Variants in POLE2 observed in about 807,000 individuals in gnomAD.
POLE2 encodes DNA polymerase epsilon subunit 2.
In POLE2, 56 loss-of-function variants were observed where a neutral mutation model predicts 79.4. The ratio of observed to expected loss-of-function variants is 0.71; its 90% CI spans 0.57 to 0.88. The LOEUF (loss-of-function observed/expected upper bound fraction) is 0.88, where lower values mean the gene tolerates loss of function less well. Ranked by LOEUF, POLE2 falls within the 40% of genes least tolerant of loss-of-function variation. POLE2 has a pLI of 0.00. For missense variants in POLE2, 598 were observed against 638.9 expected (o/e 0.94, Z 0.69); for synonymous variants, 212 against 214.0 (o/e 0.99, Z 0.08).
At chr14:49,669,451 T>G (rs1054434237) in intron 6 of POLE2, 73 bp downstream of exon 6, 1 of 790,698 alleles carries the variant, frequency 1.3e-6, no homozygotes, top group African/African-American at 1.7e-5. Context: ...TAAAATTCAA[T>G]GAATTAGAAT....
At chr14:49,677,618 C>T (rs768500340) in intron 3 of POLE2, 1 of 586,320 alleles carries the variant, frequency 1.7e-6, no homozygotes, top group Non-Finnish European at 3.0e-6. Flanking sequence ...CATTGATGAA[C>T]AGACTGATGT....
At chr14:49,657,445 T>G (rs1377758270) in intron 10 of POLE2, among the ~76,000 whole-genome samples, 1 of 151,246 alleles carries the variant, frequency 6.6e-6, no homozygotes, top group African/African-American at 2.4e-5. Flanking sequence ...TTTTTTTTTC[T>G]TTTTTTTGAC....
chr14:49,650,497 G>C (rs1594627917), intron 16 of POLE2, 56 bp from the exon 17 acceptor site: 1 of 1,154,650 alleles, frequency 8.7e-7, no homozygotes, highest in Non-Finnish European at 1.1e-6. Flanking sequence ...AGTGAAAATA[G>C]CTAAACAAAT....
intron 3 of POLE2, chr14:49,677,699 C>A: frequency 1.5e-6 from 2 of 1,351,234 alleles, no homozygotes; most frequent in Non-Finnish European, 2.0e-6. Flanking sequence ...GTTCAAGAAA[C>A]GTGACAGTGT....
Position 49,688,006 on chromosome 14 carries a change from G to C in POLE2, c.68+130C>G, listed in dbSNP as rs1887285475. The C allele has an allele frequency of 6.7e-6, 5 of 747,970 alleles. No homozygotes were observed. In the Admixed American group the frequency reaches 1.2e-4, roughly 18 times the overall value. 46.3% of individuals were successfully genotyped at this position (747,970 alleles called of 1,614,324 possible). On this transcript the variant is annotated intron_variant, in intron 1 of 18. Transcript: ENST00000216367. ...AGCCACCGCGCCCGACCGCTTCTTA[G>C]AACTCTGAAATTTAAGGTCAAGCCC...
intron 3 of POLE2, among the ~76,000 whole-genome samples, chr14:49,675,426 A>AT (rs1390854622): frequency 6.6e-6 from 1 of 150,878 alleles, no homozygotes; most frequent in African/African-American, 2.4e-5. Flanking sequence ...AGTTCCAACA[A>AT]TTTTTTATTT....
At chr14:49,657,352 T>C (rs1372314570) in intron 10 of POLE2, among the ~76,000 whole-genome samples, 29 of 152,000 alleles carry the variant, frequency 1.9e-4, no homozygotes, top group Admixed American at 1.9e-3. Context: ...AAAAAGGGAA[T>C]AGATATAGAC....
At chr14:49,650,186 TTAAA>T (rs893372028) in intron 17 of POLE2, 75 bp downstream of exon 17, 1 of 682,084 alleles carries the variant, frequency 1.5e-6, no homozygotes, top group Non-Finnish European at 2.1e-6. Flanking sequence ...AATAATCTTA[TTAAA>T]TATATATTTT....
chr14:49,684,662 A>T (rs1375877319), intron 1 of POLE2: 62 of 118,320 alleles, frequency 5.2e-4, no homozygotes, highest in African/African-American at 1.9e-3. Flanking sequence ...GACCATCATT[A>T]AAAAAAAAAA....
At chr14:49,651,589 C>A in intron 15 of POLE2, 2 of 369,720 alleles carry the variant, frequency 5.4e-6, no homozygotes, top group African/African-American at 2.1e-5. Flanking sequence ...GCGAACAGAA[C>A]CAAAAGATCC....
chr14:49,683,368 C>T (rs1019672488), intron 2 of POLE2, among the ~76,000 whole-genome samples: 9 of 151,048 alleles, frequency 6.0e-5, no homozygotes, highest in Non-Finnish European at 1.2e-4. Flanking sequence ...CGCCATTGCA[C>T]TCCAGCCTGG....
intron 6 of POLE2, among the ~76,000 whole-genome samples, chr14:49,668,859 G>C (rs1382356412): frequency 6.6e-6 from 1 of 152,076 alleles, no homozygotes; most frequent in Non-Finnish European, 1.5e-5. Context: ...GGAGTACAGT[G>C]GCATGATCTC....
Position 49,655,000 on chromosome 14 carries a change from A to G in POLE2, c.1018+5T>C. 6.5e-7 allele frequency: 1 copy of G among 1,533,202 alleles called. No homozygotes were observed. Among genetic ancestry groups the G allele is most frequent in the South Asian group, 1.2e-5 (1 of 81,016 alleles). The allele number at this position is 1,533,202 out of a possible 1,614,324, so 95.0% of individuals were successfully genotyped here. A position where few individuals can be genotyped will look rare whatever the true frequency, so the allele number is the denominator to read the frequency against. On this transcript the variant is annotated splice_donor_5th_base_variant and intron_variant, in intron 12 of 18. Coordinates refer to ENST00000216367, the MANE Select transcript of POLE2 (RefSeq NM_002692.4). ...AACACTTCTTATTAAATAGATCGTT[A>G]ATACCTTTCAAAGCTTGAACTTGAT...
chr14:49,687,204 G>A (rs1887201708), intron 1 of POLE2, among the ~76,000 whole-genome samples: 1 of 151,362 alleles, frequency 6.6e-6, no homozygotes, highest in African/African-American at 2.4e-5. Context: ...GGTTGAGGCT[G>A]CAGTAAGTCA....
intron 9 of POLE2, among the ~76,000 whole-genome samples, chr14:49,664,006 C>T (rs1371607377): frequency 6.7e-6 from 1 of 149,388 alleles, no homozygotes; most frequent in Non-Finnish European, 1.5e-5. Context: ...CATTGCACTC[C>T]AGCCTGGGTG....
chr14:49,644,281 CG>C (rs1413695403), intron 18 of POLE2, among the ~76,000 whole-genome samples: 1 of 150,488 alleles, frequency 6.6e-6, no homozygotes, highest in Non-Finnish European at 1.5e-5. Flanking sequence ...GAGGCAGAGG[CG>C]GGTGGATCAC....
intron 5 of POLE2, among the ~76,000 whole-genome samples, chr14:49,672,850 G>T (rs1885998967): frequency 6.6e-6 from 1 of 151,984 alleles, no homozygotes; most frequent in Admixed American, 6.6e-5. Flanking sequence ...CATCCTTGCA[G>T]TTCCATTTTT....
At chr14:49,675,716 A>G (rs1032229225) in intron 3 of POLE2, among the ~76,000 whole-genome samples, 6 of 145,808 alleles carry the variant, frequency 4.1e-5, no homozygotes, top group Non-Finnish European at 9.2e-5. Flanking sequence ...ATGAGCCACC[A>G]TGCCCAACCC....
chr14:49,647,382 G>T (rs199599847), intron 17 of POLE2, 22 bp from the exon 18 acceptor site: 59 of 1,278,828 alleles, frequency 4.6e-5, no homozygotes, highest in Non-Finnish European at 6.2e-5. Context: ...AAAAATGCCT[G>T]TAAGTGAATG....
Sources: gnomAD v4.1 joint callset for allele counts (sites outside exome capture counted in the v4.1 genomes callset) on GRCh38, gnomAD v4.1.1 for gene constraint, MANE v1.5 for transcripts, NCBI Gene and HGNC (gene_info 2026-07-23, HGNC 2026-07-21) for gene names.